Variants in ORC1 observed in about 807,000 individuals in gnomAD.
ORC1 encodes origin recognition complex subunit 1.
In ORC1, 61 loss-of-function variants were observed where a neutral mutation model predicts 98.9. The ratio of observed to expected loss-of-function variants is 0.62; its 90% CI spans 0.50 to 0.76. The LOEUF (loss-of-function observed/expected upper bound fraction) is 0.76. ORC1 is among the 30% of genes least tolerant of loss of function. ORC1 has a pLI of 0.00. For synonymous variants in ORC1, 385 were observed against 406.9 expected (o/e 0.95, Z 0.65); for missense variants, 979 against 1,072.2 (o/e 0.91, Z 1.21).
chr1:52,404,582 G>C (rs1240055442), upstream of ORC1: 5 of 607,312 alleles, frequency 8.2e-6, no homozygotes, highest in Admixed American at 1.7e-4. Context: ...GATAGGCGAC[G>C]CGGGGAGCGG....
intron 9 of ORC1, among the ~76,000 whole-genome samples, 186 bp from the exon 10 acceptor site, chr1:52,385,448 G>A (rs928837274): frequency 6.6e-6 from 1 of 152,068 alleles, no homozygotes; most frequent in Non-Finnish European, 1.5e-5. Context: ...CTTGGCCTCC[G>A]TTTCTCCACC....
At chr1:52,409,286 C>G (rs1336567574), upstream of ORC1, among the ~76,000 whole-genome samples, 1 of 152,200 alleles carries the variant, frequency 6.6e-6, no homozygotes, top group Non-Finnish European at 1.5e-5. Flanking sequence ...ATTTACCTTT[C>G]CCCCTACATG....
chr1:52,389,829 G>T (rs991391310), intron 6 of ORC1, among the ~76,000 whole-genome samples: 2 of 152,034 alleles, frequency 1.3e-5, no homozygotes, highest in Admixed American at 6.5e-5. Flanking sequence ...TTATCTTTTT[G>T]TACAGTTTGT....
At chr1:52,407,375 C>T (rs1337286812), upstream of ORC1, among the ~76,000 whole-genome samples, 1 of 152,066 alleles carries the variant, frequency 6.6e-6, no homozygotes, top group Non-Finnish European at 1.5e-5. Context: ...TAGGCACTTA[C>T]TGTGTGCTCT....
chr1:52,384,434 G>T, intron 11 of ORC1, 116 bp downstream of exon 11: 1 of 945,878 alleles, frequency 1.1e-6, no homozygotes, highest in Non-Finnish European at 1.7e-6. Context: ...TCTACAGAAA[G>T]GACAATGCCT....
Position 52,381,658 on chromosome 1 carries a change from T to C in ORC1, c.2117A>G (p.Gln706Arg), listed in dbSNP as rs1439677174. Residue 706 changes from glutamine to arginine, a missense_variant, in exon 14 of 17, where the codon CAG (glutamine) becomes CGG (arginine). Coordinates refer to ENST00000371568, the MANE Select transcript of ORC1 (RefSeq NM_004153.4). ...HLKAFEDDAI[Q>R]LVARKVAALS... ...GTGACTTACCTTCCTGGCTACCAGC[T>C]GGATGGCATCATCTTCAAAGGCCTT... The C allele has an allele frequency of 1.2e-6, 2 of 1,612,902 alleles. No homozygotes were observed. Among genetic ancestry groups the C allele is most frequent in the Admixed American group, 3.3e-5 (2 of 60,014 alleles).
At chr1:52,392,403 C>T (rs907953825) in intron 6 of ORC1, among the ~76,000 whole-genome samples, 16 of 152,046 alleles carry the variant, frequency 1.1e-4, no homozygotes, top group African/African-American at 3.9e-4. Flanking sequence ...GCTAGGATTA[C>T]AGGAGTGAGC....
chr1:52,380,986 T>C (rs1277033884), intron 14 of ORC1, among the ~76,000 whole-genome samples: 1 of 152,162 alleles, frequency 6.6e-6, no homozygotes, highest in Non-Finnish European at 1.5e-5. Context: ...AAGAGGAAAC[T>C]AGAAATAAGT....
intron 13 of ORC1, 61 bp from the exon 14 acceptor site, chr1:52,381,822 A>C: frequency 6.3e-7 from 1 of 1,594,992 alleles, no homozygotes; most frequent in South Asian, 1.1e-5. Flanking sequence ...ATCCAGGTGG[A>C]AAGTCACCCT....
chr1:52,376,336 G>A, intron 14 of ORC1, among the ~76,000 whole-genome samples: 1 of 152,106 alleles, frequency 6.6e-6, no homozygotes, highest in East Asian at 1.9e-4. Context: ...CCAACATGGT[G>A]AAACCCTATC....
intron 6 of ORC1, among the ~76,000 whole-genome samples, chr1:52,392,137 CTTT>C (rs1458293327): frequency 6.9e-6 from 1 of 144,532 alleles, no homozygotes; most frequent in Non-Finnish European, 1.5e-5. Context: ...GGGAACACTT[CTTT>C]TTTTTTTTTG....
At chr1:52,404,692 G>T, upstream of ORC1, 1 of 1,572,396 alleles carries the variant, frequency 6.4e-7, no homozygotes, top group South Asian at 1.2e-5. Context: ...TGCTTTTTCT[G>T]AACCTGGATG....
chr1:52,387,235 G>A (rs753575046), intron 8 of ORC1, among the ~76,000 whole-genome samples: 2 of 152,166 alleles, frequency 1.3e-5, no homozygotes, highest in Non-Finnish European at 2.9e-5. Context: ...AGAGGCATTA[G>A]ATTCTCATAG....
rs1647073754 is a variant in ORC1, at chr1:52,381,776, T to C, written c.2014-15A>G. 1.9e-6 allele frequency: 3 copies of C among 1,611,810 alleles called. No individual in the cohort carries two copies. Among genetic ancestry groups the C allele is most frequent in the Non-Finnish European group, 2.5e-6 (3 of 1,178,632 alleles). ...CTGGTAAGACCCTGGGGAGCCAAAA[T>C]GACAGAGGAATAAGTTGGTTGACTG... On this transcript the variant is annotated splice_polypyrimidine_tract_variant and intron_variant, in intron 13 of 16. Coordinates refer to ENST00000371568, the MANE Select transcript of ORC1 (RefSeq NM_004153.4).
chr1:52,408,887 C>T, upstream of ORC1: 1 of 514,966 alleles, frequency 1.9e-6, no homozygotes, highest in East Asian at 3.4e-5. Flanking sequence ...CTTACCCAGC[C>T]TGCCTCTGTC....
rs1647379368 is a variant in ORC1, at chr1:52,396,086, A to G, written c.681T>C (p.His227=). ...TCTTTCTGGCTCTTGGGGTAAGAGGATGGGTAGGAGTTTGGCGAGATTTGG... is the reference window on the plus strand; with the variant it reads ...TCTTTCTGGCTCTTGGGGTAAGAGGGTGGGTAGGAGTTTGGCGAGATTTGG... The part of the protein sequence containing the change: ...SASKSRQTPT[H]PLTPRARKRL... Residue 227 remains histidine, a synonymous_variant, in exon 5 of 17, where the codon CAT becomes CAC. Transcript: ENST00000371568. 1.2e-6 allele frequency: 2 copies of G among 1,613,948 alleles called. No individual in the cohort carries two copies. The highest frequency in any genetic ancestry group is 4.5e-5 in the East Asian group (2 of 44,882).
intron 3 of ORC1, among the ~76,000 whole-genome samples, chr1:52,399,566 G>A (rs1041306606): frequency 2.7e-5 from 4 of 145,882 alleles, no homozygotes; most frequent in African/African-American, 1.0e-4. Flanking sequence ...AGAGCTTGCA[G>A]TGAGCCGAGA....
chr1:52,406,451 AAATC>A (rs1251979034), upstream of ORC1, among the ~76,000 whole-genome samples: 1 of 152,226 alleles, frequency 6.6e-6, no homozygotes, highest in Non-Finnish European at 1.5e-5. Flanking sequence ...TCAGGGGTGA[AAATC>A]AAACAACAAA....
Position 52,381,723 on chromosome 1 carries a change from G to A in ORC1, c.2052C>T (p.Ser684=), listed in dbSNP as rs1198287383. 3 of 1,613,314 alleles carry A rather than the reference G, an allele frequency of 1.9e-6. No individual in the cohort carries two copies. The highest frequency in any genetic ancestry group is 1.7e-5 in the Admixed American group (1 of 59,970). Residue 684 remains serine, a synonymous_variant, in exon 14 of 17, where the codon AGC becomes AGT. Transcript: ENST00000371568. Reference sequence around the variant, plus strand: ...GGGACCTTAGGATCTGCTGCAGCTGGCTATATGTATAGGGCTGGAAGCACA... The same window carrying A: ...GGGACCTTAGGATCTGCTGCAGCTGACTATATGTATAGGGCTGGAAGCACA... ...TRMCFQPYTY[S]QLQQILRSRL...
Sources: allele counts gnomAD v4.1 joint callset (sites outside exome capture counted in the v4.1 genomes callset), GRCh38; gene constraint gnomAD v4.1.1; transcripts MANE v1.5; gene names NCBI Gene and HGNC (gene_info 2026-07-23, HGNC 2026-07-21).